Variants in MYLK4 observed in about 807,000 individuals in gnomAD.
MYLK4 encodes caMLCK like.
Under a neutral mutation model 48.1 loss-of-function variants are expected in MYLK4, and 46 were observed. The observed-to-expected ratio is 0.96, with a 90% CI of 0.75 to 1.22. The LOEUF is 1.22. MYLK4 is among the 50% of genes most tolerant of loss of function. MYLK4 has a pLI of 0.00. For missense variants in MYLK4, 451 were observed against 486.1 expected (o/e 0.93, Z 0.68); for synonymous variants, 170 against 180.8 (o/e 0.94, Z 0.48).
rs570427976 is a variant in MYLK4, at chr6:2,678,707, AT to A, written c.888-336del. 1.6e-3 allele frequency among the ~76,000 whole-genome samples: 228 copies of A among 139,060 alleles called. 1 individual carries two copies. Among genetic ancestry groups the A allele is most frequent in the African/African-American group, 5.7e-3 (214 of 37,364 alleles). 91.2% of individuals were successfully genotyped at this position (139,060 alleles called of 152,430 possible). ...GAGGCTAGCCTGAGTCATTTAGGAG[AT>A]CAGTTTTTTTTTTTTTTTTTTGAGA... On this transcript the variant is annotated intron_variant, in intron 9 of 12. Coordinates refer to ENST00000274643, the MANE Select transcript of MYLK4 (RefSeq NM_001012418.5).
upstream of MYLK4, among the ~76,000 whole-genome samples, chr6:2,753,766 T>A (rs1015954856): frequency 6.6e-6 from 1 of 151,436 alleles, no homozygotes. Flanking sequence ...AATAAGCACA[T>A]GAAAAAAAAT....
the MYLK4 span, chr6:2,768,948 A>C: frequency 2.7e-6 from 4 of 1,466,096 alleles, no homozygotes; most frequent in Non-Finnish European, 2.8e-6. Flanking sequence ...GTGTGAGATC[A>C]CTATACAAAC....
chr6:2,668,142 A>AG (rs147249704), intron 12 of MYLK4, among the ~76,000 whole-genome samples: 3,320 of 152,048 alleles, frequency 0.022, 121 homozygotes, highest in African/African-American at 0.077. Flanking sequence ...TTTAGGTTCA[A>AG]GGGGTACATG....
chr6:2,743,964 A>C, intron 2 of MYLK4: 1 of 398,820 alleles, frequency 2.5e-6, no homozygotes, highest in Non-Finnish European at 4.4e-6. Flanking sequence ...ATCAAGCACC[A>C]GAGAACTGAA....
the MYLK4 span, among the ~76,000 whole-genome samples, chr6:2,764,234 CCTAA>C: frequency 6.6e-6 from 1 of 152,106 alleles, no homozygotes; most frequent in African/African-American, 2.4e-5. Flanking sequence ...TATTTTTGAG[CCTAA>C]CTTTTTTAGT....
At chr6:2,677,169 T>TA (rs1282720759) in intron 10 of MYLK4, among the ~76,000 whole-genome samples, 7 of 152,174 alleles carry the variant, frequency 4.6e-5, no homozygotes, top group Admixed American at 3.9e-4. Flanking sequence ...TACATCTTTT[T>TA]AAAAAATATC....
At chr6:2,692,938 TG>T in intron 2 of MYLK4, 79 bp from the exon 3 acceptor site, 1 of 1,297,360 alleles carries the variant, frequency 7.7e-7, no homozygotes. Context: ...ACACTTGCGC[TG>T]GATGATTCCG....
In MYLK4 at chr6:2,665,238, A is replaced by G. The variant is rs1760599289; in HGVS notation, c.*2687T>C. Reference sequence around the variant, plus strand: ...CGGCTTTGCAAAGCCCCCTTTCCCCATTAGAGCAGCAGTCTACCTAGTTAC... The same window carrying G: ...CGGCTTTGCAAAGCCCCCTTTCCCCGTTAGAGCAGCAGTCTACCTAGTTAC... On this transcript the variant is annotated 3_prime_UTR_variant, in exon 13 of 13. Transcript: ENST00000274643. The G allele has an allele frequency of 6.6e-6, 1 of 152,272 alleles. No homozygotes were observed. Among genetic ancestry groups the G allele is most frequent in the South Asian group, 2.1e-4 (1 of 4,812 alleles). The allele number at this position is 152,272 out of a possible 1,614,324, so 9.4% of individuals were successfully genotyped here. A position where few individuals can be genotyped will look rare whatever the true frequency, so the allele number is the denominator to read the frequency against.
chr6:2,762,817 G>T, the MYLK4 span, among the ~76,000 whole-genome samples: 2 of 152,122 alleles, frequency 1.3e-5, no homozygotes, highest in South Asian at 2.1e-4. Context: ...ACCGTTAGAG[G>T]TCTTAGGTCA....
chr6:2,749,227 G>A lies in MYLK4; in HGVS notation c.68C>T (p.Ala23Val), dbSNP rs1554134085. 4.3e-6 allele frequency: 7 copies of A among 1,613,810 alleles called. 1 individual carries two copies. The highest frequency in any genetic ancestry group is 4.2e-6 in the Non-Finnish European group (5 of 1,179,918). ...CYNSNQLEKMAFFQCREEVEK... is the reference protein window; with the variant it reads ...CYNSNQLEKMVFFQCREEVEK... ...CACCTCTTCCCTGCACTGAAAAAAGGCCATTTTCTCCAGCTGGTTGCTGTT... is the reference window on the plus strand; with the variant it reads ...CACCTCTTCCCTGCACTGAAAAAAGACCATTTTCTCCAGCTGGTTGCTGTT... The change falls in exon 2 of 13, where the codon GCC becomes GTC. Residue 23 changes from alanine (A) to valine (V), a missense_variant. Ala to Val is a moderately conservative substitution (Grantham distance 64, BLOSUM62 0). Coordinates refer to ENST00000274643, the MANE Select transcript of MYLK4 (RefSeq NM_001012418.5).
intron 2 of MYLK4, among the ~76,000 whole-genome samples, chr6:2,705,124 C>A (rs368383908): frequency 1.3e-5 from 2 of 152,146 alleles, no homozygotes; most frequent in Admixed American, 6.5e-5. Context: ...TATAACAGAT[C>A]GCAGAAGAAA....
At chr6:2,748,641 G>A (rs1304332724) in intron 2 of MYLK4, among the ~76,000 whole-genome samples, 1 of 152,224 alleles carries the variant, frequency 6.6e-6, no homozygotes, top group Non-Finnish European at 1.5e-5. Flanking sequence ...CAGCTGGAAT[G>A]GGGCTCAGAA....
At chr6:2,739,525 C>T (rs529403473) in intron 2 of MYLK4, among the ~76,000 whole-genome samples, 54 of 152,228 alleles carry the variant, frequency 3.5e-4, no homozygotes, top group African/African-American at 8.2e-4. Flanking sequence ...ACTATGGAAA[C>T]GCCATGACAA....
chr6:2,724,176 CTGAT>C (rs1279675626), intron 2 of MYLK4, among the ~76,000 whole-genome samples: 3 of 152,186 alleles, frequency 2.0e-5, no homozygotes, highest in African/African-American at 4.8e-5. Context: ...CCATGCCTGG[CTGAT>C]TGATTATTTT....
chr6:2,699,134 A>C (rs1047659062), intron 2 of MYLK4, among the ~76,000 whole-genome samples: 24 of 152,244 alleles, frequency 1.6e-4, no homozygotes, highest in Admixed American at 1.4e-3. Context: ...TACATAGACC[A>C]AGAAAGAGCC....
intron 12 of MYLK4, 49 bp from the exon 13 acceptor site, chr6:2,667,948 A>AATTATAATTATAAATAT (rs1178169106): frequency 1.3e-5 from 2 of 152,614 alleles, no homozygotes; most frequent in African/African-American, 2.4e-5. Flanking sequence ...AGGGTTTTTA[A>AATTATAATTATAAATAT]AATTATAATT....
intron 6 of MYLK4, among the ~76,000 whole-genome samples, chr6:2,684,003 A>ATGT (rs2113132502): frequency 6.6e-6 from 1 of 152,340 alleles, no homozygotes; most frequent in Admixed American, 6.5e-5. Context: ...ACCTGTATAT[A>ATGT]CTATGTTATT....
intron 2 of MYLK4, among the ~76,000 whole-genome samples, chr6:2,697,960 C>A (rs1457371654): frequency 6.6e-6 from 1 of 152,228 alleles, no homozygotes; most frequent in African/African-American, 2.4e-5. Context: ...GGCTGCACCC[C>A]TGAAAAGCCA....
chr6:2,758,357 C>T, the MYLK4 span, among the ~76,000 whole-genome samples: 1 of 150,294 alleles, frequency 6.7e-6, no homozygotes, highest in Non-Finnish European at 1.5e-5. Flanking sequence ...ATATATATTA[C>T]ATATGTATAT....
Sources: gnomAD v4.1 joint callset for allele counts (sites outside exome capture counted in the v4.1 genomes callset) on GRCh38, gnomAD v4.1.1 for gene constraint, MANE v1.5 for transcripts, NCBI Gene and HGNC (gene_info 2026-07-23, HGNC 2026-07-21) for gene names.